FRMPD4: variants seen among roughly 807,000 people sequenced by gnomAD.
FRMPD4 encodes the protein FERM and PDZ domain containing 4.
FRMPD4 carries 22 observed loss-of-function variants against 94.1 expected under a neutral mutation model. The ratio of observed to expected loss-of-function variants is 0.23; its 90% CI spans 0.17 to 0.33. The LOEUF is 0.33. Ranked by LOEUF, FRMPD4 falls within the 10% of genes least tolerant of loss-of-function variation. The pLI is 1.00. For missense variants in FRMPD4, 1,111 were observed against 1,339.9 expected (o/e 0.83, Z 2.67); for synonymous variants, 631 against 548.6 (o/e 1.15, Z -2.10).
chrX:12,560,281 C>T (rs1284082510), intron 2 of FRMPD4, among the ~76,000 whole-genome samples: 1 of 109,536 alleles, frequency 9.1e-6, no homozygotes, highest in African/African-American at 3.3e-5. Context: ...AGTTAAGACC[C>T]CAGAAACATG....
intron 1 of FRMPD4, among the ~76,000 whole-genome samples, chrX:12,309,770 G>A (rs926320303): frequency 8.9e-6 from 1 of 112,733 alleles, no homozygotes; most frequent in African/African-American, 3.2e-5. Flanking sequence ...ACAAAACGCG[G>A]TGTCCTCTTA....
chrX:12,295,198 C>T (rs1258068526), intron 1 of FRMPD4, among the ~76,000 whole-genome samples: 1 of 112,466 alleles, frequency 8.9e-6, no homozygotes, highest in Non-Finnish European at 1.9e-5. Context: ...GACCTGCTCA[C>T]TGTATCCCTG....
intron 2 of FRMPD4, among the ~76,000 whole-genome samples, chrX:12,538,500 G>A (rs988019374): frequency 8.9e-6 from 1 of 111,822 alleles, no homozygotes; most frequent in African/African-American, 3.3e-5. Context: ...CACAGAGTTT[G>A]AGATCTGAGA....
intron 1 of FRMPD4, among the ~76,000 whole-genome samples, chrX:12,206,851 C>T (rs1165068524): frequency 8.9e-6 from 1 of 112,158 alleles, no homozygotes; most frequent in Non-Finnish European, 1.9e-5. Flanking sequence ...TTGTGTTATC[C>T]ACATTCTGTT....
intron 1 of FRMPD4, among the ~76,000 whole-genome samples, chrX:12,237,473 T>C (rs915029799): frequency 8.9e-6 from 1 of 112,325 alleles, no homozygotes; most frequent in Non-Finnish European, 1.9e-5. Flanking sequence ...TATTAAAATA[T>C]TTTCAATTAA....
chrX:12,000,175 G>T (rs2054517470), intron 3 of FRMPD4, among the ~76,000 whole-genome samples: 1 of 111,523 alleles, frequency 9.0e-6, no homozygotes, highest in Admixed American at 9.5e-5. Context: ...TACCATCTCT[G>T]TTCTACCCCC....
At chrX:11,886,814 A>G (rs2053847927) in intron 3 of FRMPD4, among the ~76,000 whole-genome samples, 1 of 110,735 alleles carries the variant, frequency 9.0e-6, no homozygotes, top group African/African-American at 3.3e-5. Context: ...ATATCTTAAT[A>G]CCAACCCTCC....
At chrX:12,358,700 G>A (rs138999966) in intron 1 of FRMPD4, among the ~76,000 whole-genome samples, 1,653 of 111,864 alleles carry the variant, frequency 0.015, 26 homozygotes, top group African/African-American at 0.05. Context: ...ATTTAAATTT[G>A]AAGAGAAAAA....
intron 9 of FRMPD4, among the ~76,000 whole-genome samples, chrX:12,695,305 G>C (rs1233637431): frequency 2.7e-5 from 3 of 112,249 alleles, no homozygotes. Context: ...TCGACTCTTG[G>C]TTAAGGTGAT....
chrX:12,109,107 C>A (rs895312500), intron 3 of FRMPD4, among the ~76,000 whole-genome samples: 2 of 111,914 alleles, frequency 1.8e-5, no homozygotes, highest in African/African-American at 6.5e-5. Flanking sequence ...CACCCCAAAT[C>A]AACAGAATAT....
At position 12,714,698 on chromosome X, in the gene FRMPD4, G is replaced by A. The variant is rs372839001; in HGVS notation, c.1610-1371G>A. ...AAAATGTTTGCCAAGCCCTAAACCCGCGTTACAATGCAACTTTGCTGAACT... is the reference window on the plus strand; with the variant it reads ...AAAATGTTTGCCAAGCCCTAAACCCACGTTACAATGCAACTTTGCTGAACT... On this transcript the variant is annotated intron_variant, in intron 14 of 16. Coordinates refer to ENST00000675598, the MANE Select transcript of FRMPD4 (RefSeq NM_001368397.1). 3.4e-4 allele frequency among the ~76,000 whole-genome samples: 38 copies of A among 110,978 alleles called. No homozygotes were observed. In the East Asian group the frequency reaches 6.2e-3, roughly 18 times the overall value.
chrX:12,387,376 T>G (rs1390612481), intron 1 of FRMPD4, among the ~76,000 whole-genome samples: 3 of 112,134 alleles, frequency 2.7e-5, no homozygotes, highest in African/African-American at 9.7e-5. Flanking sequence ...CTCTAAGAAA[T>G]TCTAAGACAG....
intron 1 of FRMPD4, among the ~76,000 whole-genome samples, chrX:11,863,149 C>T (rs917848431): frequency 1.8e-5 from 2 of 108,856 alleles, no homozygotes; most frequent in African/African-American, 6.7e-5. Flanking sequence ...TTAGGTATAT[C>T]TCCTAATGCT....
At chrX:12,418,568 C>T (rs5979620) in intron 1 of FRMPD4, among the ~76,000 whole-genome samples, 4,245 of 109,223 alleles carry the variant, frequency 0.039, 235 homozygotes, top group African/African-American at 0.13. Context: ...CCATGTTGGT[C>T]AGGCTGGTCT....
chrX:12,585,434 T>A (rs1271789304), intron 2 of FRMPD4, among the ~76,000 whole-genome samples: 1 of 111,010 alleles, frequency 9.0e-6, no homozygotes, highest in Non-Finnish European at 1.9e-5. Context: ...TTGGCCAGGC[T>A]GGTCTCGAAC....
At chrX:12,589,773 A>C (rs2058964811) in intron 2 of FRMPD4, among the ~76,000 whole-genome samples, 1 of 111,991 alleles carries the variant, frequency 8.9e-6, no homozygotes, top group Non-Finnish European at 1.9e-5. Context: ...TTTTTCAGAA[A>C]AGGAGAGTTC....
intron 3 of FRMPD4, among the ~76,000 whole-genome samples, chrX:11,897,854 C>T (rs142720635): frequency 0.013 from 1,502 of 111,660 alleles, 12 homozygotes; most frequent in Middle Eastern, 0.023. Flanking sequence ...ACATAAGTGC[C>T]ATGGTAAAAC....
intron 1 of FRMPD4, among the ~76,000 whole-genome samples, chrX:12,186,866 A>G (rs1262188858): frequency 8.9e-6 from 1 of 112,082 alleles, no homozygotes; most frequent in African/African-American, 3.2e-5. Flanking sequence ...TATATCTGCA[A>G]ATGTGTCTCA....
intron 1 of FRMPD4, among the ~76,000 whole-genome samples, chrX:12,282,499 G>A: frequency 8.9e-6 from 1 of 112,258 alleles, no homozygotes; most frequent in Non-Finnish European, 1.9e-5. Context: ...AGGCAAAAGT[G>A]CCTTGGGCCC....
Sources: allele counts gnomAD v4.1 joint callset (sites outside exome capture counted in the v4.1 genomes callset), GRCh38; gene constraint gnomAD v4.1.1; transcripts MANE v1.5; gene names NCBI Gene and HGNC (gene_info 2026-07-23, HGNC 2026-07-21).